TBC1D5: variants seen among roughly 807,000 people sequenced by gnomAD.
TBC1D5 encodes the protein TBC1 domain family member 5.
In TBC1D5, 75 loss-of-function variants were observed where a neutral mutation model predicts 100.3. The observed-to-expected ratio is 0.75, with a 90% CI of 0.62 to 0.91. TBC1D5 has a LOEUF of 0.91. Among genes scored for constraint, TBC1D5 ranks in the 40% least tolerant of loss-of-function variants. TBC1D5 has a pLI of 0.00. For synonymous variants in TBC1D5, 323 were observed against 325.6 expected (o/e 0.99, Z 0.09); for missense variants, 910 against 942.4 (o/e 0.97, Z 0.45).
Position 17,349,227 on chromosome 3 carries a change from A to C in TBC1D5, c.995+22848T>G, listed in dbSNP as rs570013635. ...ATCAGTGGTTCACAAACTTTACTGT[A>C]CATCAGAATCACTTTCAGGGCATGT... On this transcript the variant is annotated intron_variant, in intron 13 of 21. Transcript: ENST00000253692. 5.0e-4 allele frequency among the ~76,000 whole-genome samples: 76 copies of C among 152,182 alleles called. 1 individual carries two copies. Among genetic ancestry groups the C allele is most frequent in the Non-Finnish European group, 5.9e-5 (4 of 68,030 alleles).
intron 1 of TBC1D5, among the ~76,000 whole-genome samples, chr3:17,684,821 T>A (rs1460268865): frequency 6.6e-6 from 1 of 151,902 alleles, no homozygotes; most frequent in South Asian, 2.1e-4. Context: ...CCAATACAAA[T>A]ATAAGGTGGA....
At chr3:17,601,196 C>G (rs2060912099) in intron 2 of TBC1D5, among the ~76,000 whole-genome samples, 1 of 152,176 alleles carries the variant, frequency 6.6e-6, no homozygotes, top group East Asian at 1.9e-4. Context: ...CTGAAACATT[C>G]AGAAATGCCC....
intron 1 of TBC1D5, among the ~76,000 whole-genome samples, chr3:17,695,746 AC>A (rs1233968929): frequency 6.6e-6 from 1 of 152,204 alleles, no homozygotes; most frequent in African/African-American, 2.4e-5. Flanking sequence ...CACCAAGCTG[AC>A]CTAAGAGATA....
chr3:17,583,450 G>C (rs1192953646), intron 2 of TBC1D5, among the ~76,000 whole-genome samples: 3 of 152,066 alleles, frequency 2.0e-5, no homozygotes, highest in African/African-American at 7.2e-5. Context: ...ACCCGGCTGG[G>C]TGCGATGGCT....
At chr3:17,362,831 T>C (rs1000893141) in intron 13 of TBC1D5, among the ~76,000 whole-genome samples, 4 of 152,186 alleles carry the variant, frequency 2.6e-5, no homozygotes, top group Non-Finnish European at 4.4e-5. Flanking sequence ...CATACAGTTG[T>C]AAGAAATAAT....
chr3:17,595,495 C>T (rs978225388), intron 2 of TBC1D5, among the ~76,000 whole-genome samples: 1 of 152,162 alleles, frequency 6.6e-6, no homozygotes. Flanking sequence ...GGCATATTTG[C>T]ATTCTATGTC....
chr3:17,339,420 G>A (rs945152207), intron 13 of TBC1D5, among the ~76,000 whole-genome samples: 19 of 152,122 alleles, frequency 1.2e-4, no homozygotes, highest in East Asian at 5.8e-4. Context: ...AATTTTTCAC[G>A]TGGCATCCGG....
intron 2 of TBC1D5, among the ~76,000 whole-genome samples, chr3:17,574,355 T>C (rs1394860111): frequency 6.6e-6 from 1 of 152,012 alleles, no homozygotes; most frequent in Non-Finnish European, 1.5e-5. Context: ...AATAGGTCAC[T>C]ACTGTCACCA....
chr3:17,488,298 T>C (rs2095595980), intron 3 of TBC1D5, among the ~76,000 whole-genome samples: 1 of 152,258 alleles, frequency 6.6e-6, no homozygotes, highest in African/African-American at 2.4e-5. Context: ...CATGTCTTTT[T>C]GTGCTTTGAT....
chr3:17,170,378 G>C (rs1280575773), intron 19 of TBC1D5, among the ~76,000 whole-genome samples: 1 of 152,176 alleles, frequency 6.6e-6, no homozygotes, highest in African/African-American at 2.4e-5. Flanking sequence ...GAAGAACAGG[G>C]GGCTTTTTGG....
intron 17 of TBC1D5, among the ~76,000 whole-genome samples, chr3:17,218,795 G>A (rs971188414): frequency 6.6e-6 from 1 of 151,922 alleles, no homozygotes; most frequent in South Asian, 2.1e-4. Context: ...AGGAACTCTT[G>A]TATATCATGA....
chr3:17,508,065 A>G (rs1167614599), intron 3 of TBC1D5, among the ~76,000 whole-genome samples: 1 of 152,022 alleles, frequency 6.6e-6, no homozygotes, highest in African/African-American at 2.4e-5. Flanking sequence ...AAAAAAAAAG[A>G]GGATGAATCA....
chr3:17,686,661 T>C (rs546524523), intron 1 of TBC1D5, among the ~76,000 whole-genome samples: 3 of 152,286 alleles, frequency 2.0e-5, no homozygotes, highest in East Asian at 1.9e-4. Context: ...CATTAAGCTA[T>C]AGAGCCCTTA....
chr3:17,548,339 A>C (rs112056858), intron 2 of TBC1D5, among the ~76,000 whole-genome samples: 2 of 152,096 alleles, frequency 1.3e-5, no homozygotes, highest in African/African-American at 4.8e-5. Context: ...AACAAACAAA[A>C]TTCATATATC....
At chr3:17,538,721 A>G (rs116494155) in intron 2 of TBC1D5, among the ~76,000 whole-genome samples, 6,022 of 152,222 alleles carry the variant, frequency 0.04, 177 homozygotes, top group African/African-American at 0.082. Context: ...CCAATTGGCA[A>G]CTTGTCAACA....
chr3:17,679,551 G>T (rs1386154929), intron 1 of TBC1D5, among the ~76,000 whole-genome samples: 1 of 151,468 alleles, frequency 6.6e-6, no homozygotes, highest in South Asian at 2.1e-4. Flanking sequence ...AAATCCTGCT[G>T]TGTATTTGCA....
At chr3:17,212,200 C>T (rs992580353) in intron 18 of TBC1D5, among the ~76,000 whole-genome samples, 1 of 152,196 alleles carries the variant, frequency 6.6e-6, no homozygotes, top group Non-Finnish European at 1.5e-5. Context: ...TGTTAAACTA[C>T]AGTCATGTGC....
chr3:17,326,867 A>G (rs927471779), intron 13 of TBC1D5, among the ~76,000 whole-genome samples: 1 of 152,198 alleles, frequency 6.6e-6, no homozygotes, highest in Non-Finnish European at 1.5e-5. Flanking sequence ...GGAGACAGCA[A>G]TCAACCCTCT....
chr3:17,597,086 G>A (rs777193505), intron 2 of TBC1D5, among the ~76,000 whole-genome samples: 2 of 152,172 alleles, frequency 1.3e-5, no homozygotes, highest in Non-Finnish European at 2.9e-5. Flanking sequence ...AGGCTTATCT[G>A]TGAAGTTATA....
Sources: allele counts gnomAD v4.1 joint callset (sites outside exome capture counted in the v4.1 genomes callset), GRCh38; gene constraint gnomAD v4.1.1; transcripts MANE v1.5; gene names NCBI Gene and HGNC (gene_info 2026-07-23, HGNC 2026-07-21).